The following TMC5 variants were observed in gnomAD, a reference collection of about 807,000 sequenced individuals.
TMC5 encodes the protein transmembrane channel like 5.
Under a neutral mutation model 110.5 loss-of-function variants are expected in TMC5, and 86 were observed. That is an observed-to-expected ratio of 0.78 (90% confidence interval 0.65 to 0.93). TMC5 has a LOEUF of 0.93. TMC5 is among the 40% of genes least tolerant of loss of function. TMC5 has a pLI of 0.00. For missense variants in TMC5, 1,144 were observed against 1,222.8 expected (o/e 0.94, Z 0.96); for synonymous variants, 455 against 439.5 (o/e 1.04, Z -0.44).
At chr16:19,470,727 A>G (rs975704306) in intron 10 of TMC5, among the ~76,000 whole-genome samples, 1 of 115,990 alleles carries the variant, frequency 8.6e-6, no homozygotes, top group Non-Finnish European at 1.7e-5. Context: ...TTATTAAAAA[A>G]AAAAAAAAAA....
At chr16:19,493,115 C>T (rs1223820987) in intron 19 of TMC5, among the ~76,000 whole-genome samples, 2 of 151,158 alleles carry the variant, frequency 1.3e-5, no homozygotes, top group East Asian at 3.9e-4. Flanking sequence ...GCGCCTGCCA[C>T]CACACCCGGC....
At position 19,444,590 on chromosome 16, in the gene TMC5, G is replaced by A. The variant is rs138136285; in HGVS notation, c.958+340G>A. 4.7e-3 allele frequency among the ~76,000 whole-genome samples: 711 copies of A among 152,172 alleles called. 3 individuals are homozygous for A. Among genetic ancestry groups the A allele is most frequent in the African/African-American group, 0.016 (681 of 41,522 alleles). On this transcript the variant is annotated intron_variant, in intron 4 of 21. Transcript: ENST00000542583. Reference sequence around the variant, plus strand: ...TATTTTTCAGAAGCCGTGTATTTGGGGTTTTATGTGAAACCTGATGTTGAT... The same window carrying A: ...TATTTTTCAGAAGCCGTGTATTTGGAGTTTTATGTGAAACCTGATGTTGAT...
chr16:19,423,959 G>A (rs545540962), intron 1 of TMC5, among the ~76,000 whole-genome samples: 162 of 152,056 alleles, frequency 1.1e-3, no homozygotes, highest in African/African-American at 3.6e-3. Context: ...TTGACATGTC[G>A]GCCAGGCTTG....
chr16:19,456,918 G>C, intron 5 of TMC5: 1 of 1,614,154 alleles, frequency 6.2e-7, no homozygotes, highest in Non-Finnish European at 8.5e-7. Flanking sequence ...CAGGTGCTGC[G>C]GTTTTCAACA....
chr16:19,479,570 T>C, intron 14 of TMC5, 42 bp downstream of exon 14: 1 of 1,399,498 alleles, frequency 7.1e-7, no homozygotes, highest in Non-Finnish European at 1.0e-6. Context: ...CCTGATGCTG[T>C]AAACAGAACC....
At chr16:19,413,250 A>G (rs113460359), upstream of TMC5, among the ~76,000 whole-genome samples, 3,548 of 151,954 alleles carry the variant, frequency 0.023, 142 homozygotes, top group African/African-American at 0.08. Context: ...CAGGCTGGGC[A>G]TGGTTACTCA....
At position 19,489,479 on chromosome 16, in the gene TMC5, C is replaced by T. The variant is rs550767693; in HGVS notation, c.2574-916C>T. ...CCTCCTGAGTAGCTGGGACTACAGG[C>T]GCCCGCCACCACGCCCAGCTAATTT... On this transcript the variant is annotated intron_variant, in intron 17 of 21. Transcript: ENST00000542583. Among the ~76,000 whole-genome samples, 146 of 152,128 alleles carry T rather than the reference C, an allele frequency of 9.6e-4. 1 individual carries two copies. The highest frequency in any genetic ancestry group is 1.5e-3 in the Non-Finnish European group (101 of 68,006).
At chr16:19,434,223 C>CTA (rs200234164) in intron 2 of TMC5, among the ~76,000 whole-genome samples, 1 of 114,002 alleles carries the variant, frequency 8.8e-6, no homozygotes, top group Non-Finnish European at 1.7e-5. Flanking sequence ...GTATATATAT[C>CTA]TATATATATA....
At chr16:19,435,224 G>T (rs1967315680) in intron 2 of TMC5, among the ~76,000 whole-genome samples, 1 of 151,896 alleles carries the variant, frequency 6.6e-6, no homozygotes, top group Non-Finnish European at 1.5e-5. Context: ...AGGCGCAGTG[G>T]CTCACACCTG....
In TMC5 at chr16:19,440,198, C is replaced by T. The variant is rs935069109; in HGVS notation, c.160C>T (p.Pro54Ser). 3.1e-6 allele frequency: 5 copies of T among 1,614,030 alleles called. No homozygotes were observed. The highest frequency in any genetic ancestry group is 2.5e-6 in the Non-Finnish European group (3 of 1,180,016). Residue 54 changes from proline to serine, a missense_variant, in exon 3 of 22, where the codon CCA becomes TCA. By Grantham distance (74) the Pro-to-Ser change is moderately conservative. Transcript: ENST00000542583. ...NPDYPGTRSNPYSVASRTRPD... is the reference protein window; with the variant it reads ...NPDYPGTRSNSYSVASRTRPD... ...AGACTACCCCGGCACCAGGAGCAAT[C>T]CATACTCTGTAGCCTCCAGAACACG...
intron 14 of TMC5, among the ~76,000 whole-genome samples, chr16:19,479,984 G>A (rs944673757): frequency 4.7e-5 from 7 of 150,206 alleles, no homozygotes; most frequent in African/African-American, 1.7e-4. Flanking sequence ...AAGAAAAGAA[G>A]AAAAAAAGAA....
chr16:19,430,803 A>C (rs1025112623), intron 2 of TMC5, among the ~76,000 whole-genome samples, 163 bp downstream of exon 2: 2 of 152,028 alleles, frequency 1.3e-5, no homozygotes. Flanking sequence ...AGATGGCAAA[A>C]CAGAATTTTA....
intron 2 of TMC5, among the ~76,000 whole-genome samples, chr16:19,434,501 G>T (rs201051413): frequency 0.021 from 1,959 of 93,238 alleles, 58 homozygotes; most frequent in African/African-American, 0.034. Context: ...GATATAGAGA[G>T]AGAGAGAGAT....
At chr16:19,425,677 C>T (rs1449935019) in intron 1 of TMC5, among the ~76,000 whole-genome samples, 2 of 152,052 alleles carry the variant, frequency 1.3e-5, no homozygotes, top group African/African-American at 2.4e-5. Context: ...TTTAGCTTTT[C>T]CTCAAGCAAT....
intron 15 of TMC5, among the ~76,000 whole-genome samples, chr16:19,483,279 T>A (rs544376291): frequency 6.5e-4 from 99 of 152,316 alleles, no homozygotes; most frequent in African/African-American, 2.3e-3. Context: ...TGCCTTACTT[T>A]TCCTTACTTA....
intron 18 of TMC5, 136 bp from the exon 19 acceptor site, chr16:19,492,014 C>G: frequency 1.4e-6 from 1 of 709,086 alleles, no homozygotes; most frequent in Non-Finnish European, 2.5e-6. Context: ...ATAACTCTCC[C>G]TGACATGACT....
rs138307498 is a variant in TMC5 at position 19,468,582 on chromosome 16, G to C, written c.1638-1099G>C. Among the ~76,000 whole-genome samples, 251 of 152,256 alleles carry C rather than the reference G, an allele frequency of 1.6e-3. 4 individuals carry two copies. The highest frequency in any genetic ancestry group is 3.4e-3 in the Middle Eastern group (1 of 294). ...GTGACTGAGGATTTTTAAATGGGGA[G>C]ATTATCCTGGATTATCCCAGTGGGC... On this transcript the variant is annotated intron_variant, in intron 9 of 21. Coordinates refer to ENST00000542583, the MANE Select transcript of TMC5 (RefSeq NM_001261841.2).
Position 19,456,941 on chromosome 16 carries a change from T to C in TMC5, c.1049-3294T>C, listed in dbSNP as rs754569640. On this transcript the variant is annotated intron_variant, in intron 5 of 21. Coordinates refer to ENST00000542583, the MANE Select transcript of TMC5 (RefSeq NM_001261841.2). Reference sequence around the variant, plus strand: ...GCGGTTTTCAACATCTTTGAATGAGTCGATGTCTCAGACCCTTCATAGCCT... The same window carrying C: ...GCGGTTTTCAACATCTTTGAATGAGCCGATGTCTCAGACCCTTCATAGCCT... 13 of 1,613,954 alleles carry C rather than the reference T, an allele frequency of 8.1e-6. No individual in the cohort carries two copies. The Admixed American group carries it at 1.0e-4, about 12-fold the overall frequency.
In TMC5 at chr16:19,431,812, A is replaced by G. The variant is rs115969621; in HGVS notation, c.-80+1172A>G. Among the ~76,000 whole-genome samples, 713 of 152,278 alleles carry G rather than the reference A, an allele frequency of 4.7e-3. 3 individuals are homozygous for G. Among genetic ancestry groups the G allele is most frequent in the African/African-American group, 0.016 (683 of 41,558 alleles). On this transcript the variant is annotated intron_variant, in intron 2 of 21. Transcript: ENST00000542583. ...TGGGAAAAGGAGATTAAAGATAAGA[A>G]TCACAGCTGGCCATCTTCTGCTGGC... is the stretch of plus-strand genomic sequence containing the variant.
Sources: gnomAD v4.1 joint callset for allele counts (sites outside exome capture counted in the v4.1 genomes callset) on GRCh38, gnomAD v4.1.1 for gene constraint, MANE v1.5 for transcripts, NCBI Gene and HGNC (gene_info 2026-07-23, HGNC 2026-07-21) for gene names.